Variants in KARS1 observed in about 807,000 individuals in gnomAD.
KARS1 encodes the protein lysyl-tRNA synthetase 1.
Under a neutral mutation model 63.9 loss-of-function variants are expected in KARS1, and 50 were observed. The ratio of observed to expected loss-of-function variants is 0.78; its 90% CI spans 0.62 to 0.99. KARS1 has a LOEUF of 0.99. Ranked by LOEUF, KARS1 falls within the 50% of genes least tolerant of loss-of-function variation. The probability of loss-of-function intolerance (pLI) is 0.00; values close to 1 mark genes in which losing one functional copy is unlikely to be tolerated. For synonymous variants in KARS1, 320 were observed against 264.6 expected (o/e 1.21, Z -2.03); for missense variants, 816 against 754.5 (o/e 1.08, Z -0.95).
chr16:75,645,843 CAAAAAAAAAAA>C (rs11363202), intron 1 of KARS1, among the ~76,000 whole-genome samples: 8 of 82,048 alleles, frequency 9.8e-5, no homozygotes, highest in Non-Finnish European at 2.0e-4. Context: ...ACTCTGCCTC[CAAAAAAAAAAA>C]AAAAAAAAAA....
At chr16:75,635,106 G>A (rs1051311915) in intron 6 of KARS1, among the ~76,000 whole-genome samples, 1 of 152,200 alleles carries the variant, frequency 6.6e-6, no homozygotes, top group Non-Finnish European at 1.5e-5. Flanking sequence ...AATATCTTAA[G>A]TGAAATAAAA....
intron 3 of KARS1, among the ~76,000 whole-genome samples, chr16:75,639,103 G>T (rs1163463390): frequency 6.6e-6 from 1 of 152,040 alleles, no homozygotes; most frequent in African/African-American, 2.4e-5. Context: ...GGAAGGCGGA[G>T]GTTGCAGTGA....
intron 3 of KARS1, 84 bp from the exon 4 acceptor site, chr16:75,636,631 A>ATTTTTTTTTTTTTT (rs57060791): frequency 1.6e-6 from 1 of 623,296 alleles, no homozygotes; most frequent in Non-Finnish European, 2.7e-6. Flanking sequence ...CTCCCTCTGC[A>ATTTTTTTTTTTTTT]TTTTTTTTTT....
At chr16:75,647,207 C>T (rs1427121705) in intron 1 of KARS1, among the ~76,000 whole-genome samples, 1 of 152,248 alleles carries the variant, frequency 6.6e-6, no homozygotes, top group African/African-American at 2.4e-5. Context: ...ATTTCTCCAA[C>T]TTCCACGTTT....
chr16:75,636,710 T>G (rs548647117), intron 3 of KARS1, among the ~76,000 whole-genome samples, 163 bp from the exon 4 acceptor site: 1 of 151,894 alleles, frequency 6.6e-6, no homozygotes, highest in African/African-American at 2.4e-5. Context: ...CTCAGCTCAA[T>G]GCAACCTCCG....
chr16:75,629,063 G>A, intron 12 of KARS1: 1 of 465,604 alleles, frequency 2.1e-6, no homozygotes. Flanking sequence ...AACACCTGCT[G>A]CAGGCAGCCT....
At position 75,639,413 on chromosome 16, in the gene KARS1, A is replaced by T. The variant is rs1027850781; in HGVS notation, c.388+771T>A. 4.7e-5 allele frequency among the ~76,000 whole-genome samples: 7 copies of T among 148,174 alleles called. No homozygotes were observed. The East Asian group carries it at 6.2e-4, about 13-fold the overall frequency. ...ATGGCGAAGCCCCATCTCTACTAAA[A>T]ATACAAAACTTAGCCGGGCGTGGTG... On this transcript the variant is annotated intron_variant, in intron 3 of 13. Transcript: ENST00000302445.
At position 75,635,729 on chromosome 16, in the gene KARS1, T is replaced by G. The variant is rs1333338776; in HGVS notation, c.746A>C (p.Lys249Thr). Residue 249 changes from lysine to threonine, a missense_variant, in exon 6 of 14, where the codon AAG becomes ACG. Transcript: ENST00000302445. ...FVRQKFIIRS[K>T]IITYIRSFLD... ...GAAACTTCTTATATATGTGATGATCTTAGAGCGGATGATAAATTTCTGCCT... is the reference window on the plus strand; with the variant it reads ...GAAACTTCTTATATATGTGATGATCGTAGAGCGGATGATAAATTTCTGCCT... The G allele has an allele frequency of 6.2e-7, 1 of 1,614,036 alleles. No homozygotes were observed. Among genetic ancestry groups the G allele is most frequent in the African/African-American group, 1.3e-5 (1 of 74,944 alleles).
At position 75,628,655 on chromosome 16, in the gene KARS1, G is replaced by A. The variant is rs1354485627; in HGVS notation, c.1609C>T (p.Leu537=). 1 of 1,614,138 alleles carries A rather than the reference G, an allele frequency of 6.2e-7. No homozygotes were observed. The highest frequency in any genetic ancestry group is 8.5e-7 in the Non-Finnish European group (1 of 1,180,022). ...GCTGTGGGGGGCAGCCCATATTCCA[G>A]GGCAGTACAGAAGTTTTCATCTATG... ...MFIDENFCTA[L]EYGLPPTAGW... Residue 537 remains leucine (L), a synonymous_variant, in exon 13 of 14, where the codon CTG becomes TTG. Transcript: ENST00000302445.
chr16:75,631,544 G>C lies in KARS1; in HGVS notation c.1124C>G (p.Pro375Arg). The C allele has an allele frequency of 6.2e-7, 1 of 1,614,114 alleles. No homozygotes were observed. The highest frequency in any genetic ancestry group is 8.5e-7 in the Non-Finnish European group (1 of 1,179,994). ...GTAGGCTTGGCCCTCTGGGCCATCT[G>C]GGTGGTAGGTGACCTTGTAACTGCC... ...ITGSYKVTYH[P>R]DGPEGQAYDV... Residue 375 changes from proline (P) to arginine (R), a missense_variant, in exon 9 of 14, where the codon CCA (proline) becomes CGA (arginine). By Grantham distance (103) the Pro-to-Arg change is moderately radical (BLOSUM62 -2). Transcript: ENST00000302445.
At chr16:75,630,660 G>C in intron 10 of KARS1, 152 bp from the exon 11 acceptor site, 1 of 353,218 alleles carries the variant, frequency 2.8e-6, no homozygotes. Context: ...TATTGAGATG[G>C]AGTCTCGCTC....
intron 7 of KARS1, among the ~76,000 whole-genome samples, chr16:75,632,855 A>G (rs2082127182): frequency 6.6e-6 from 1 of 152,220 alleles, no homozygotes; most frequent in African/African-American, 2.4e-5. Context: ...ACCTTTTGGA[A>G]GGCCGAAAGG....
Position 75,640,292 on chromosome 16 carries a change from G to C in KARS1, c.280C>G (p.Pro94Ala), listed in dbSNP as rs11557667. The change falls in exon 3 of 14, where the codon CCA becomes GCA. Residue 94 changes from proline to alanine, a missense_variant. Physicochemically the swap from Pro to Ala is conservative, Grantham distance 27 (BLOSUM62 -1). Coordinates refer to ENST00000302445, the MANE Select transcript of KARS1 (RefSeq NM_005548.3). Reference protein sequence around the residue: ...IHQLKVNGEDPYPHKFHVDIS... With the variant: ...IHQLKVNGEDAYPHKFHVDIS... ...TCTACATGGAACTTGTGTGGGTATG[G>C]GTCTTCCCCATTGACCTTCAGCTGA... 1 of 1,613,620 alleles carries C rather than the reference G, an allele frequency of 6.2e-7. No homozygotes were observed. Among genetic ancestry groups the C allele is most frequent in the Non-Finnish European group, 8.5e-7 (1 of 1,179,832 alleles).
chr16:75,629,668 C>T (rs1036876266), intron 11 of KARS1, 127 bp from the exon 12 acceptor site: 58 of 962,150 alleles, frequency 6.0e-5, no homozygotes, highest in Admixed American at 1.6e-4. Context: ...GGTGTGATCT[C>T]GGCTCACTGC....
intron 6 of KARS1, 117 bp from the exon 7 acceptor site, chr16:75,634,409 T>C (rs1201257788): frequency 1.9e-6 from 2 of 1,061,296 alleles, no homozygotes; most frequent in East Asian, 2.6e-5. Flanking sequence ...TGTTAATAAG[T>C]TCAACAGTAA....
chr16:75,636,957 TTTG>T (rs869099253), intron 3 of KARS1, among the ~76,000 whole-genome samples: 16 of 131,710 alleles, frequency 1.2e-4, no homozygotes, highest in East Asian at 4.0e-4. Flanking sequence ...TTTTTTTTTT[TTTG>T]GTCAGGGCAC....
intron 3 of KARS1, 76 bp downstream of exon 3, chr16:75,640,108 G>T: frequency 7.8e-7 from 1 of 1,282,800 alleles, no homozygotes; most frequent in Non-Finnish European, 1.1e-6. Context: ...GACCAACCCA[G>T]ACCTTCCCTT....
chr16:75,631,362 G>C (rs2151801922), intron 9 of KARS1, 54 bp downstream of exon 9: 12 of 1,598,354 alleles, frequency 7.5e-6, no homozygotes, highest in Non-Finnish European at 1.0e-5. Context: ...ATCAAATTCA[G>C]AGCTGAACAG....
intron 1 of KARS1, among the ~76,000 whole-genome samples, chr16:75,644,938 T>G (rs2082264783): frequency 1.3e-5 from 2 of 152,246 alleles, no homozygotes; most frequent in African/African-American, 4.8e-5. Flanking sequence ...AAGACTTGTT[T>G]GGAACTCTAG....
Sources: allele counts gnomAD v4.1 joint callset (sites outside exome capture counted in the v4.1 genomes callset), GRCh38; gene constraint gnomAD v4.1.1; transcripts MANE v1.5; gene names NCBI Gene and HGNC (gene_info 2026-07-23, HGNC 2026-07-21).